MAN1B1: variants seen among roughly 807,000 people sequenced by gnomAD.
MAN1B1 encodes the protein endoplasmic reticulum mannosyl-oligosaccharide 1,2-alpha-mannosidase.
In MAN1B1, 66 loss-of-function variants were observed where a neutral mutation model predicts 75.5. That is an observed-to-expected ratio of 0.87 (90% CI 0.72 to 1.07). The LOEUF (loss-of-function observed/expected upper bound fraction) is 1.07, where lower values mean the gene tolerates loss of function less well. Ranked by LOEUF, MAN1B1 falls within the 50% of genes least tolerant of loss-of-function variation. The probability of loss-of-function intolerance (pLI) is 0.00; values close to 1 mark genes in which losing one functional copy is unlikely to be tolerated. For synonymous variants in MAN1B1, 453 were observed against 382.8 expected (o/e 1.18, Z -2.14); for missense variants, 973 against 912.5 (o/e 1.07, Z -0.85).
intron 8 of MAN1B1, chr9:137,105,859 C>A (rs1212505128): frequency 3.1e-6 from 2 of 635,780 alleles, no homozygotes; most frequent in African/African-American, 3.6e-5. Context: ...GGGATGAGAG[C>A]CATCCTGAAG....
At chr9:137,088,035 T>C (rs1436424722) in intron 1 of MAN1B1, 40 bp from the exon 2 acceptor site, 3 of 1,442,188 alleles carry the variant, frequency 2.1e-6, no homozygotes. Flanking sequence ...TTCCGTGTGA[T>C]ATATTCAGTA....
chr9:137,104,155 A>G (rs977379335), intron 8 of MAN1B1: 7 of 438,786 alleles, frequency 1.6e-5, no homozygotes, highest in Middle Eastern at 8.1e-4. Context: ...CAGTCCCTGA[A>G]AAACACTGTT....
rs566896209 is a variant in MAN1B1, at chr9:137,108,501, G to A, written c.2010G>A (p.Leu670=). Residue 670 remains leucine, a synonymous_variant, in exon 13 of 13, where the codon TTG becomes TTA. Transcript: ENST00000371589. ...GGGAGACGCTCAAGTATCTGTTCTTGCTCTTCTCCGATGACCCAAACCTGC... is the reference window on the plus strand; with the variant it reads ...GGGAGACGCTCAAGTATCTGTTCTTACTCTTCTCCGATGACCCAAACCTGC... ...FLGETLKYLF[L]LFSDDPNLLS... 3.7e-6 allele frequency: 6 copies of A among 1,614,008 alleles called. No homozygotes were observed. The African/African-American group carries it at 4.0e-5, about 11-fold the overall frequency.
intron 9 of MAN1B1, 32 bp from the exon 10 acceptor site, chr9:137,106,657 T>G (rs1466121584): frequency 6.2e-7 from 1 of 1,612,878 alleles, no homozygotes. Context: ...TGCACCGTCC[T>G]GGTAGAGTGA....
chr9:137,097,509 A>G (rs953823185), intron 4 of MAN1B1, among the ~76,000 whole-genome samples: 1 of 152,068 alleles, frequency 6.6e-6, no homozygotes, highest in East Asian at 1.9e-4. Context: ...TCCTGTTTGG[A>G]TGAAAGATTC....
intron 3 of MAN1B1, among the ~76,000 whole-genome samples, chr9:137,089,758 G>A (rs967569054): frequency 3.3e-5 from 5 of 152,184 alleles, no homozygotes; most frequent in African/African-American, 1.2e-4. Flanking sequence ...AGTGGGGGGA[G>A]GAGTGCTCCG....
chr9:137,099,177 A>G (rs1830738807), intron 5 of MAN1B1, among the ~76,000 whole-genome samples: 1 of 152,266 alleles, frequency 6.6e-6, no homozygotes, highest in South Asian at 2.1e-4. Flanking sequence ...GCGTGTGCAC[A>G]GTGCGATTCC....
chr9:137,087,364 G>A (rs955553588), intron 1 of MAN1B1, 146 bp downstream of exon 1: 3 of 990,114 alleles, frequency 3.0e-6, no homozygotes, highest in Non-Finnish European at 4.5e-6. Flanking sequence ...AGGGGCAAAT[G>A]TGCGTTCCTG....
Position 137,087,869 on chromosome 9 carries a change from C to T in MAN1B1, c.220-206C>T, listed in dbSNP as rs532893177. Among the ~76,000 whole-genome samples, 5 of 152,120 alleles carry T rather than the reference C, an allele frequency of 3.3e-5. No individual in the cohort carries two copies. The South Asian group carries it at 8.3e-4, about 25-fold the overall frequency. On this transcript the variant is annotated intron_variant, in intron 1 of 12. Coordinates refer to ENST00000371589, the MANE Select transcript of MAN1B1 (RefSeq NM_016219.5). ...CCCATTCAAAATAAATAGAGCTGGCCGGGCACGGTGGCTCATCCCGCGTTC... is the reference window on the plus strand; with the variant it reads ...CCCATTCAAAATAAATAGAGCTGGCTGGGCACGGTGGCTCATCCCGCGTTC...
rs143490704 is a variant in MAN1B1, at chr9:137,106,640, G to A, written c.1446-49G>A. 6,323 of 1,612,030 alleles carry A rather than the reference G, an allele frequency of 3.9e-3. 94 individuals carry two copies. The Admixed American group carries it at 0.048, about 12-fold the overall frequency. On this transcript the variant is annotated intron_variant, in intron 9 of 12. Transcript: ENST00000371589. ...TGTGCCTGTCCCTGGTGCCCCACGG[G>A]AGCCGATGCACCGTCCTGGTAGAGT...
intron 1 of MAN1B1, 52 bp downstream of exon 1, chr9:137,087,270 C>G (rs547131786): frequency 2.6e-6 from 4 of 1,535,258 alleles, no homozygotes; most frequent in Admixed American, 2.0e-5. Context: ...GCCCGCCGCC[C>G]TCCCAGACTG....
intron 7 of MAN1B1, 119 bp downstream of exon 7, chr9:137,101,272 CTG>C: frequency 7.3e-7 from 1 of 1,371,328 alleles, no homozygotes; most frequent in Non-Finnish European, 1.0e-6. Context: ...GCACTGGAGT[CTG>C]TTTCTGAGCT....
In MAN1B1 at chr9:137,108,817, T is replaced by G; in HGVS notation, c.*226T>G. On this transcript the variant is annotated 3_prime_UTR_variant, in exon 13 of 13. Coordinates refer to ENST00000371589, the MANE Select transcript of MAN1B1 (RefSeq NM_016219.5). ...GGGCTGGGCCGCTGGAGCCTCCGCC[T>G]GCTTCCTCCAGAAGACACGAATCAT... 2 of 682,958 alleles carry G rather than the reference T, an allele frequency of 2.9e-6. No individual in the cohort carries two copies. Among genetic ancestry groups the G allele is most frequent in the Non-Finnish European group, 2.7e-6 (1 of 372,622 alleles). 42.3% of individuals were successfully genotyped at this position (682,958 alleles called of 1,614,324 possible).
Position 137,101,598 on chromosome 9 carries a change from A to C in MAN1B1, c.1180A>C (p.Thr394Pro). 6.2e-7 allele frequency: 1 copy of C among 1,613,820 alleles called. No individual in the cohort carries two copies. Among genetic ancestry groups the C allele is most frequent in the Non-Finnish European group, 8.5e-7 (1 of 1,180,026 alleles). Reference sequence around the variant, plus strand: ...CCCGCCACGGTGGACCTCCGACAGCACTGTGGCCGAGGTGACCAGCATTCA... The same window carrying C: ...CCCGCCACGGTGGACCTCCGACAGCCCTGTGGCCGAGGTGACCAGCATTCA... The part of the protein sequence containing the change: ...AHPPRWTSDS[T>P]VAEVTSIQLE... The change falls in exon 8 of 13, where the codon ACT (threonine) becomes CCT (proline). Residue 394 changes from threonine (T) to proline (P), a missense_variant. Coordinates refer to ENST00000371589, the MANE Select transcript of MAN1B1 (RefSeq NM_016219.5).
intron 8 of MAN1B1, chr9:137,103,589 G>T: frequency 2.3e-6 from 1 of 444,160 alleles, no homozygotes; most frequent in South Asian, 1.6e-5. Context: ...TTGCAGGCGT[G>T]CGGGTCGGTG....
rs376313503 is a variant in MAN1B1 at position 137,088,989 on chromosome 9, C to G, written c.449C>G (p.Pro150Arg). The G allele has an allele frequency of 1.7e-5, 27 of 1,613,992 alleles. No homozygotes were observed. The African/African-American group carries it at 2.8e-4, about 17-fold the overall frequency. ...QKADTDPENL[P>R]EISSQKTQRH... ...GCGGACACCGACCCTGAGAACTTAC[C>G]TGAGATTTCGTCACAGGTACTTTGA... Residue 150 changes from proline (P) to arginine (R), a missense_variant, in exon 3 of 13, where the codon CCT (proline) becomes CGT (arginine). Transcript: ENST00000371589.
intron 6 of MAN1B1, 61 bp downstream of exon 6, chr9:137,099,942 G>C (rs1284602650): frequency 1.3e-6 from 2 of 1,584,160 alleles, no homozygotes; most frequent in Admixed American, 1.7e-5. Context: ...TGCTGAGGCA[G>C]AGTGTGGGTT....
intron 8 of MAN1B1, chr9:137,104,161 CTG>C (rs1297359939): frequency 2.3e-6 from 1 of 434,742 alleles, no homozygotes; most frequent in Non-Finnish European, 4.7e-6. Context: ...CTGAAAAACA[CTG>C]TTCAGGTTTT....
intron 1 of MAN1B1, chr9:137,087,541 G>A: frequency 1.7e-6 from 1 of 581,526 alleles, no homozygotes; most frequent in Admixed American, 2.2e-5. Context: ...GAAACCGGAG[G>A]TTCCCCGTGG....
Sources: gnomAD v4.1 joint callset for allele counts (sites outside exome capture counted in the v4.1 genomes callset) on GRCh38, gnomAD v4.1.1 for gene constraint, MANE v1.5 for transcripts, NCBI Gene and HGNC (gene_info 2026-07-23, HGNC 2026-07-21) for gene names.